The following TNFRSF8 variants were observed in gnomAD, a reference collection of about 807,000 sequenced individuals.
TNFRSF8 encodes TNF receptor superfamily member 8.
A neutral mutation model predicts 70.8 loss-of-function variants in TNFRSF8; 26 were observed. That is an observed-to-expected ratio of 0.37 (90% CI 0.27 to 0.51). The LOEUF is 0.51. Ranked by LOEUF, TNFRSF8 falls within the 20% of genes least tolerant of loss-of-function variation. The pLI is 0.94. For missense variants in TNFRSF8, 720 were observed against 807.9 expected (o/e 0.89, Z 1.32); for synonymous variants, 356 against 339.2 (o/e 1.05, Z -0.54).
At chr1:12,080,915 T>A (rs372446366) in intron 1 of TNFRSF8, among the ~76,000 whole-genome samples, 1 of 152,024 alleles carries the variant, frequency 6.6e-6, no homozygotes, top group Non-Finnish European at 1.5e-5. Context: ...TGGGGGAGAA[T>A]TGGGGACACG....
rs1036488840 is a variant in TNFRSF8 at position 12,113,268 on chromosome 1, G to C, written c.793+1254G>C. 1.3e-5 allele frequency among the ~76,000 whole-genome samples: 2 copies of C among 152,162 alleles called. No homozygotes were observed. The highest frequency in any genetic ancestry group is 4.8e-5 in the African/African-American group (2 of 41,434). ...GGTTCCCTTCCATGTCGGCCTCTTCGTGTCTTACCTGGGGCTTCCTCATGG... is the reference window on the plus strand; with the variant it reads ...GGTTCCCTTCCATGTCGGCCTCTTCCTGTCTTACCTGGGGCTTCCTCATGG... On this transcript the variant is annotated intron_variant, in intron 7 of 14. Transcript: ENST00000263932. This position sits in a 1 kb window ranked among gnomAD's most constrained non-coding sequence, Gnocchi z 4.9.
At chr1:12,080,480 G>A (rs1641045164) in intron 1 of TNFRSF8, 1 of 521,344 alleles carries the variant, frequency 1.9e-6, no homozygotes, top group Non-Finnish European at 3.8e-6. Context: ...TGTGGTCAGT[G>A]GGAACTTGAT....
At chr1:12,129,753 T>C (rs1642012990) in intron 12 of TNFRSF8, among the ~76,000 whole-genome samples, 1 of 152,214 alleles carries the variant, frequency 6.6e-6, no homozygotes, top group Admixed American at 6.5e-5. Flanking sequence ...TTCCTGGTGC[T>C]GTGTACTTTG....
chr1:12,128,100 G>A (rs1319136971), intron 12 of TNFRSF8, among the ~76,000 whole-genome samples: 2 of 152,230 alleles, frequency 1.3e-5, no homozygotes, highest in African/African-American at 4.8e-5. Flanking sequence ...CGTGGGTGGT[G>A]AAGGAGGGAA....
At chr1:12,134,159 C>T (rs1204226686) in intron 12 of TNFRSF8, among the ~76,000 whole-genome samples, 1 of 152,240 alleles carries the variant, frequency 6.6e-6, no homozygotes, top group East Asian at 1.9e-4. Context: ...CACTGGTGAG[C>T]ATATCTGTGA....
At chr1:12,096,351 A>C (rs1641329439) in intron 2 of TNFRSF8, among the ~76,000 whole-genome samples, 1 of 151,916 alleles carries the variant, frequency 6.6e-6, no homozygotes, top group Non-Finnish European at 1.5e-5. Context: ...ACATTGGAAG[A>C]AGAAGTGTTA....
chr1:12,067,169 C>T (rs558864555), intron 1 of TNFRSF8, among the ~76,000 whole-genome samples: 1 of 152,296 alleles, frequency 6.6e-6, no homozygotes, highest in East Asian at 1.9e-4. Flanking sequence ...CCCATAGCTC[C>T]ATCCTTTTCA....
Position 12,112,271 on chromosome 1 carries a change from C to T in TNFRSF8, c.793+257C>T, listed in dbSNP as rs963307801. On this transcript the variant is annotated intron_variant, in intron 7 of 14. Transcript: ENST00000263932. This position sits in a 1 kb window ranked among gnomAD's most constrained non-coding sequence, Gnocchi z 5.3. ...CATTCCCCTTTTACAGAGGAGGAAA[C>T]GGAGGCTTTGGGAAGTCAGGGAACT... Among the ~76,000 whole-genome samples, 1 of 152,122 alleles carries T rather than the reference C, an allele frequency of 6.6e-6. No homozygotes were observed. Among genetic ancestry groups the T allele is most frequent in the South Asian group, 2.1e-4 (1 of 4,832 alleles).
In TNFRSF8 at chr1:12,088,858, C is replaced by A. The variant is rs1235399801; in HGVS notation, c.151+4307C>A. The stretch of plus-strand genomic sequence containing the variant: ...GCATGGGCACGCCCATTTGGCATGA[C>A]AGCTGCTGCCCCTGCCGCCTCCCCC... On this transcript the variant is annotated intron_variant, in intron 2 of 14. Coordinates refer to ENST00000263932, the MANE Select transcript of TNFRSF8 (RefSeq NM_001243.5). This position sits in a 1 kb window ranked among gnomAD's most constrained non-coding sequence, Gnocchi z 4.0. Among the ~76,000 whole-genome samples, 2 of 152,238 alleles carry A rather than the reference C, an allele frequency of 1.3e-5. No homozygotes were observed. The highest frequency in any genetic ancestry group is 2.9e-5 in the Non-Finnish European group (2 of 68,032).
Position 12,138,496 on chromosome 1 carries a change from G to C in TNFRSF8, c.1543+60G>C. ...CCAGGGGCAGATGGGAGATGAATAC[G>C]GGGCCCTGGGCCCTGGAAGGGACCT... On this transcript the variant is annotated intron_variant, in intron 14 of 14. Coordinates refer to ENST00000263932, the MANE Select transcript of TNFRSF8 (RefSeq NM_001243.5). This position sits in a 1 kb window ranked among gnomAD's most constrained non-coding sequence, Gnocchi z 5.7. The C allele has an allele frequency of 1.3e-6, 2 of 1,503,808 alleles. No individual in the cohort carries two copies. Among genetic ancestry groups the C allele is most frequent in the Admixed American group, 2.0e-5 (1 of 49,606 alleles). 93.2% of individuals were successfully genotyped at this position (1,503,808 alleles called of 1,614,324 possible).
intron 1 of TNFRSF8, among the ~76,000 whole-genome samples, chr1:12,082,583 A>C (rs1159361554): frequency 2.1e-4 from 32 of 151,046 alleles, no homozygotes; most frequent in Non-Finnish European, 3.7e-4. Flanking sequence ...AACAAAAAAA[A>C]CCCCCACAAA....
intron 3 of TNFRSF8, among the ~76,000 whole-genome samples, chr1:12,099,519 G>C (rs905353263): frequency 9.9e-5 from 15 of 152,032 alleles, no homozygotes; most frequent in Admixed American, 7.9e-4. Flanking sequence ...CAGGGCTTAA[G>C]TGTTCCTCCT....
intron 1 of TNFRSF8, among the ~76,000 whole-genome samples, chr1:12,065,667 T>C (rs1640728556): frequency 6.6e-6 from 1 of 152,254 alleles, no homozygotes; most frequent in South Asian, 2.1e-4. Context: ...GGCTTTATAA[T>C]GTCTATGAGG....
At chr1:12,140,730 T>C (rs923646335) in intron 14 of TNFRSF8, among the ~76,000 whole-genome samples, 1 of 152,174 alleles carries the variant, frequency 6.6e-6, no homozygotes, top group Non-Finnish European at 1.5e-5. Context: ...CCCATTTCCC[T>C]GAGGAATGTG....
chr1:12,126,047 G>A lies in TNFRSF8; in HGVS notation c.1250G>A (p.Arg417Gln), dbSNP rs752082684. 3.7e-6 allele frequency: 6 copies of A among 1,614,004 alleles called. No individual in the cohort carries two copies. The highest frequency in any genetic ancestry group is 3.3e-5 in the South Asian group (3 of 91,082). Residue 417 changes from arginine to glutamine, a missense_variant, in exon 11 of 15, where the codon CGG becomes CAG. Physicochemically the swap from Arg to Gln is conservative, Grantham distance 43 (BLOSUM62 1). Transcript: ENST00000263932. ...CGGAGGGCCTGCAGGAAGCGAATTC[G>A]GCAGAGTAAGTGGCTGTGTCCTTGG... Reference protein sequence around the residue: ...CHRRACRKRIRQKLHLCYPVQ... With the variant: ...CHRRACRKRIQQKLHLCYPVQ...
At chr1:12,097,060 T>C (rs1392526750) in intron 2 of TNFRSF8, 41 bp from the exon 3 acceptor site, 2 of 1,563,088 alleles carry the variant, frequency 1.3e-6, no homozygotes, top group Non-Finnish European at 1.8e-6. Context: ...AGGCCTTTGC[T>C]AAGTCAGCCT....
At chr1:12,074,024 G>A (rs1312784545) in intron 1 of TNFRSF8, among the ~76,000 whole-genome samples, 4 of 151,846 alleles carry the variant, frequency 2.6e-5, no homozygotes, top group African/African-American at 9.7e-5. Flanking sequence ...CACTTGCTTC[G>A]GCCCTGGAAT....
chr1:12,121,003 T>C (rs114741463), intron 8 of TNFRSF8, among the ~76,000 whole-genome samples: 98 of 152,340 alleles, frequency 6.4e-4, no homozygotes, highest in African/African-American at 2.3e-3. Context: ...TACATCAGGC[T>C]GCCTTGGAGA....
intron 3 of TNFRSF8, 107 bp downstream of exon 3, chr1:12,097,324 G>A: frequency 1.3e-6 from 1 of 773,358 alleles, no homozygotes. Context: ...TTTGATGTCT[G>A]TTCTCTGAAT....
Sources: gnomAD v4.1 joint callset for allele counts (sites outside exome capture counted in the v4.1 genomes callset) on GRCh38, gnomAD v4.1.1 for gene constraint, Gnocchi (gnomAD v3.1) non-coding constraint, MANE v1.5 for transcripts, NCBI Gene and HGNC (gene_info 2026-07-23, HGNC 2026-07-21) for gene names.